LRRC3B: variants seen among roughly 807,000 people sequenced by gnomAD.
The protein encoded by LRRC3B is leucine rich repeat containing 3B, also known as leucine-rich repeat-containing protein 3B.
In LRRC3B, 2 loss-of-function variants were observed where a neutral mutation model predicts 12.8. That is an observed-to-expected ratio of 0.16 (90% CI 0.06 to 0.49). The LOEUF (loss-of-function observed/expected upper bound fraction) is 0.49, where lower values mean the gene tolerates loss of function less well. LRRC3B is among the 20% of genes least tolerant of loss of function. The probability of loss-of-function intolerance (pLI) is 0.96; values close to 1 mark genes in which losing one functional copy is unlikely to be tolerated. For synonymous variants in LRRC3B, 132 were observed against 122.0 expected, an observed-to-expected ratio of 1.08 and a Z score of -0.54; for missense variants, 189 against 319.4, an observed-to-expected ratio of 0.59 and a Z score of 3.11.
chr3:26,681,513 A>ATTAT (rs1209394045), intron 1 of LRRC3B, among the ~76,000 whole-genome samples: 3 of 152,184 alleles, frequency 2.0e-5, no homozygotes, highest in African/African-American at 7.2e-5. Context: ...AGGCTTAGCA[A>ATTAT]TTATTAATAA....
chr3:26,634,990 A>G (rs1438086397), intron 1 of LRRC3B, among the ~76,000 whole-genome samples: 1 of 152,208 alleles, frequency 6.6e-6, no homozygotes, highest in Admixed American at 6.5e-5. Flanking sequence ...ATCGAACATG[A>G]TCATGAGAAG....
At chr3:26,707,552 A>C (rs1700629760) in intron 1 of LRRC3B, among the ~76,000 whole-genome samples, 1 of 152,178 alleles carries the variant, frequency 6.6e-6, no homozygotes. Context: ...TCCCAAGAGA[A>C]ATATGAAGTG....
chr3:26,687,027 A>G (rs1441784021), intron 1 of LRRC3B, among the ~76,000 whole-genome samples: 1 of 152,168 alleles, frequency 6.6e-6, no homozygotes, highest in Non-Finnish European at 1.5e-5. Context: ...CAACACTCCC[A>G]GAAGCTGGGG....
intron 1 of LRRC3B, among the ~76,000 whole-genome samples, chr3:26,629,930 A>G (rs1032217621): frequency 4.0e-5 from 6 of 150,438 alleles, no homozygotes; most frequent in African/African-American, 1.5e-4. Context: ...AAAGGTGGGA[A>G]AGGTGGGGGC....
At chr3:26,623,060 C>T (rs1698547303) in exon 1 of LRRC3B, 1 of 151,982 alleles carries the variant, frequency 6.6e-6, no homozygotes. Flanking sequence ...GCCGCCTTCG[C>T]CGGGAGCCAA....
chr3:26,672,761 C>T (rs1699774260), intron 1 of LRRC3B, among the ~76,000 whole-genome samples: 1 of 151,964 alleles, frequency 6.6e-6, no homozygotes, highest in South Asian at 2.1e-4. Context: ...CCTTTTTTGC[C>T]CCATTTTCAT....
intron 1 of LRRC3B, among the ~76,000 whole-genome samples, chr3:26,695,036 T>C (rs1468861442): frequency 6.7e-6 from 1 of 149,962 alleles, no homozygotes; most frequent in African/African-American, 2.5e-5. Context: ...CTTTTAAAGC[T>C]TTTGCGTGTG....
intron 1 of LRRC3B, among the ~76,000 whole-genome samples, chr3:26,659,777 C>G (rs1337042919): frequency 6.6e-6 from 1 of 152,178 alleles, no homozygotes; most frequent in South Asian, 2.1e-4. Flanking sequence ...GAAGATCCAT[C>G]AGCTGATTTC....
chr3:26,684,828 T>C (rs1444612013), intron 1 of LRRC3B, among the ~76,000 whole-genome samples: 1 of 152,262 alleles, frequency 6.6e-6, no homozygotes, highest in East Asian at 1.9e-4. Context: ...TGTAATATGT[T>C]CAGAGTGGAA....
At chr3:26,645,548 A>G (rs969960111) in intron 1 of LRRC3B, among the ~76,000 whole-genome samples, 1 of 151,958 alleles carries the variant, frequency 6.6e-6, no homozygotes, top group South Asian at 2.1e-4. Context: ...GCATATATCT[A>G]TATCTATATA....
At chr3:26,627,425 G>A (rs1698652688) in intron 1 of LRRC3B, among the ~76,000 whole-genome samples, 1 of 152,266 alleles carries the variant, frequency 6.6e-6, no homozygotes, top group African/African-American at 2.4e-5. Flanking sequence ...TAATGCTGTG[G>A]CACACTAGGA....
chr3:26,685,758 T>G (rs1013012690), intron 1 of LRRC3B, among the ~76,000 whole-genome samples: 4 of 151,988 alleles, frequency 2.6e-5, no homozygotes, highest in Non-Finnish European at 2.9e-5. Flanking sequence ...TTCATGAATC[T>G]CTATTCACTG....
chr3:26,642,464 AG>A (rs1265706370), intron 1 of LRRC3B, among the ~76,000 whole-genome samples: 2 of 152,200 alleles, frequency 1.3e-5, no homozygotes, highest in African/African-American at 4.8e-5. Flanking sequence ...AGAGAAGCTA[AG>A]GAGAAATAAG....
At chr3:26,657,865 T>C (rs985953638) in intron 1 of LRRC3B, among the ~76,000 whole-genome samples, 3 of 152,182 alleles carry the variant, frequency 2.0e-5, no homozygotes, top group African/African-American at 7.2e-5. Context: ...ACTCTTATTT[T>C]TCTGGGTTGT....
chr3:26,698,263 G>C lies in LRRC3B; in HGVS notation c.-160-11250G>C, dbSNP rs555645632. 2.0e-5 allele frequency among the ~76,000 whole-genome samples: 3 copies of C among 152,274 alleles called. No individual in the cohort carries two copies. In the South Asian group the frequency reaches 6.2e-4, roughly 32 times the overall value. The stretch of plus-strand genomic sequence containing the variant: ...ATCCTCATCTCACCCTTGTGAGGTG[G>C]AACTTTTATTACCCTCATGTTCAGA... On this transcript the variant is annotated intron_variant, in intron 1 of 1. Transcript: ENST00000396641.
chr3:26,655,398 A>T (rs1036657577), intron 1 of LRRC3B, among the ~76,000 whole-genome samples: 1 of 152,308 alleles, frequency 6.6e-6, no homozygotes, highest in African/African-American at 2.4e-5. Context: ...TAATGTCTAT[A>T]TCTTGAGTTA....
intron 1 of LRRC3B, among the ~76,000 whole-genome samples, chr3:26,660,814 G>T (rs1699477336): frequency 6.6e-6 from 1 of 152,124 alleles, no homozygotes; most frequent in Non-Finnish European, 1.5e-5. Flanking sequence ...TTTCTGAGCT[G>T]CATGATTGAG....
chr3:26,643,276 GTA>G (rs1553601878), intron 1 of LRRC3B, among the ~76,000 whole-genome samples: 25 of 118,168 alleles, frequency 2.1e-4, no homozygotes, highest in African/African-American at 5.9e-4. Flanking sequence ...GTGTGTGTGT[GTA>G]TACATGTATA....
intron 1 of LRRC3B, among the ~76,000 whole-genome samples, chr3:26,643,253 TGA>T (rs201347020): frequency 0.11 from 13,805 of 121,464 alleles, 729 homozygotes; most frequent in South Asian, 0.25. Flanking sequence ...CACATATGTG[TGA>T]GTGTGTGTGT....
Sources: gnomAD v4.1 joint callset for allele counts (sites outside exome capture counted in the v4.1 genomes callset) on GRCh38, gnomAD v4.1.1 for gene constraint, MANE v1.5 for transcripts, NCBI Gene and HGNC (gene_info 2026-07-23, HGNC 2026-07-21) for gene names.